The following ASIC2 variants were observed in gnomAD, a reference collection of about 807,000 sequenced individuals.
ASIC2 encodes the protein acid-sensing ion channel 2.
In ASIC2, 25 loss-of-function variants were observed where a neutral mutation model predicts 57.3. The ratio of observed to expected loss-of-function variants is 0.44; its 90% CI spans 0.32 to 0.61. The LOEUF (loss-of-function observed/expected upper bound fraction) is 0.61. Ranked by LOEUF, ASIC2 falls within the 20% of genes least tolerant of loss-of-function variation. ASIC2 has a pLI of 0.06. For synonymous variants in ASIC2, 319 were observed against 307.5 expected (o/e 1.04, Z -0.39); for missense variants, 641 against 738.1 (o/e 0.87, Z 1.52).
At chr17:33,778,720 GTCCTC>G (rs1443980453) in intron 1 of ASIC2, among the ~76,000 whole-genome samples, 1 of 152,116 alleles carries the variant, frequency 6.6e-6, no homozygotes, top group East Asian at 1.9e-4. Context: ...GAGCCTCGAC[GTCCTC>G]TCCAAGATAA....
chr17:33,816,464 A>T (rs989060025), intron 1 of ASIC2, among the ~76,000 whole-genome samples: 1 of 152,238 alleles, frequency 6.6e-6, no homozygotes, highest in Admixed American at 6.5e-5. Context: ...CATTTGACAG[A>T]TGAGGCAAAT....
At chr17:34,112,276 C>T (rs1240331046) in intron 1 of ASIC2, among the ~76,000 whole-genome samples, 1 of 152,056 alleles carries the variant, frequency 6.6e-6, no homozygotes, top group Non-Finnish European at 1.5e-5. Context: ...CTCATAGGAT[C>T]ACAGTGCAAG....
chr17:33,271,155 T>C (rs1904477131), intron 1 of ASIC2, among the ~76,000 whole-genome samples: 1 of 152,160 alleles, frequency 6.6e-6, no homozygotes, highest in Non-Finnish European at 1.5e-5. Context: ...CTTGGGTCAG[T>C]GCCCTCTAGA....
chr17:34,024,452 A>C (rs1317664717), intron 1 of ASIC2, among the ~76,000 whole-genome samples: 2 of 152,318 alleles, frequency 1.3e-5, no homozygotes, highest in South Asian at 4.1e-4. Context: ...CGGTGGCCCC[A>C]GGGGAAGGAA....
chr17:34,105,173 G>A (rs1311612926), intron 1 of ASIC2, among the ~76,000 whole-genome samples: 2 of 151,918 alleles, frequency 1.3e-5, no homozygotes, highest in Non-Finnish European at 2.9e-5. Flanking sequence ...AGTTTCATGG[G>A]CAGTTGGTCA....
chr17:33,605,272 C>T (rs1164092722), intron 1 of ASIC2, among the ~76,000 whole-genome samples: 1 of 152,176 alleles, frequency 6.6e-6, no homozygotes, highest in African/African-American at 2.4e-5. Context: ...AGCGGGGAGC[C>T]CAGGAAGGAA....
chr17:33,378,955 T>C (rs1177871027), intron 1 of ASIC2, among the ~76,000 whole-genome samples: 1 of 152,204 alleles, frequency 6.6e-6, no homozygotes, highest in Non-Finnish European at 1.5e-5. Flanking sequence ...CTGGGTCTTA[T>C]TTTCCCAACT....
intron 2 of ASIC2, among the ~76,000 whole-genome samples, chr17:33,092,602 T>G (rs2092161826): frequency 6.6e-6 from 1 of 152,218 alleles, no homozygotes; most frequent in African/African-American, 2.4e-5. Context: ...TCATCTACAT[T>G]TGGGCAGTGA....
chr17:33,655,502 T>C (rs948579787), intron 1 of ASIC2, among the ~76,000 whole-genome samples: 2 of 152,222 alleles, frequency 1.3e-5, no homozygotes, highest in African/African-American at 4.8e-5. Context: ...CCACCCCTGC[T>C]CCAAACACTG....
chr17:33,910,006 G>A (rs749558656), intron 1 of ASIC2, among the ~76,000 whole-genome samples: 5 of 152,096 alleles, frequency 3.3e-5, no homozygotes, highest in Non-Finnish European at 7.4e-5. Flanking sequence ...ACTAAAATAG[G>A]AGTAATAATA....
intron 1 of ASIC2, among the ~76,000 whole-genome samples, chr17:33,162,691 C>T (rs758115254): frequency 2.0e-5 from 3 of 152,188 alleles, no homozygotes; most frequent in Non-Finnish European, 4.4e-5. Context: ...GGACTTGGCT[C>T]ACTATTGAAT....
chr17:33,827,158 G>T (rs1912946707), intron 1 of ASIC2, among the ~76,000 whole-genome samples: 1 of 151,936 alleles, frequency 6.6e-6, no homozygotes, highest in Non-Finnish European at 1.5e-5. Flanking sequence ...TCTATTAAAT[G>T]GGAATAAAAT....
chr17:33,260,792 C>G (rs1450332719), intron 1 of ASIC2, among the ~76,000 whole-genome samples: 1 of 152,184 alleles, frequency 6.6e-6, no homozygotes. Context: ...CACCACCACC[C>G]CTTGCTGACT....
At chr17:33,541,361 C>T (rs888687689) in intron 1 of ASIC2, 1 of 152,130 alleles carries the variant, frequency 6.6e-6, no homozygotes, top group Non-Finnish European at 1.5e-5. Flanking sequence ...GATCAGAAAC[C>T]CCACAATGTC....
At chr17:33,779,771 C>T (rs1350149676) in intron 1 of ASIC2, among the ~76,000 whole-genome samples, 1 of 152,102 alleles carries the variant, frequency 6.6e-6, no homozygotes, top group Non-Finnish European at 1.5e-5. Context: ...GGATGTTTAC[C>T]GCATGCCAAG....
chr17:33,574,383 G>A (rs1284407590), intron 1 of ASIC2, among the ~76,000 whole-genome samples: 1 of 152,098 alleles, frequency 6.6e-6, no homozygotes, highest in African/African-American at 2.4e-5. Context: ...TTTTACTATT[G>A]AGTTGTTGAT....
chr17:33,712,866 C>T (rs1478342856), intron 1 of ASIC2, among the ~76,000 whole-genome samples: 3 of 151,670 alleles, frequency 2.0e-5, no homozygotes, highest in East Asian at 1.9e-4. Flanking sequence ...GGGATGGTCT[C>T]GATCTCCTGA....
intron 1 of ASIC2, among the ~76,000 whole-genome samples, chr17:33,709,627 G>A (rs1379375594): frequency 1.3e-5 from 2 of 152,216 alleles, no homozygotes; most frequent in Non-Finnish European, 2.9e-5. Context: ...TGTTGCAGCA[G>A]CTAGAACTGA....
At chr17:34,071,600 C>T (rs1464810545) in intron 1 of ASIC2, 1 of 152,188 alleles carries the variant, frequency 6.6e-6, no homozygotes, top group Non-Finnish European at 1.5e-5. Flanking sequence ...GAGGCCAAGG[C>T]AGGTGGATCA....
Sources: gnomAD v4.1 joint callset for allele counts (sites outside exome capture counted in the v4.1 genomes callset) on GRCh38, gnomAD v4.1.1 for gene constraint, MANE v1.5 for transcripts, NCBI Gene and HGNC (gene_info 2026-07-23, HGNC 2026-07-21) for gene names.